Variants in TANK observed in about 807,000 individuals in gnomAD.
TANK encodes TRAF family member associated NFKB activator, also known as TRAF family member-associated NF-kappa-B activator.
TANK carries 15 observed loss-of-function variants against 43.6 expected under a neutral mutation model. The observed-to-expected ratio is 0.34, with a 90% CI of 0.23 to 0.53. The LOEUF is 0.53. Ranked by LOEUF, TANK falls within the 20% of genes least tolerant of loss-of-function variation. TANK has a pLI of 0.94. For synonymous variants in TANK, 162 were observed against 178.2 expected, an observed-to-expected ratio of 0.91 and a Z score of 0.73; for missense variants, 417 against 498.6, an observed-to-expected ratio of 0.84 and a Z score of 1.56.
At chr2:161,170,576 G>A (rs890677684) in intron 1 of TANK, among the ~76,000 whole-genome samples, 1 of 152,066 alleles carries the variant, frequency 6.6e-6, no homozygotes, top group Non-Finnish European at 1.5e-5. Context: ...GCTATGACTC[G>A]ACCCCCTATG....
intron 2 of TANK, among the ~76,000 whole-genome samples, chr2:161,189,040 G>T (rs903445491): frequency 1.3e-5 from 2 of 152,162 alleles, no homozygotes; most frequent in African/African-American, 4.8e-5. Context: ...GAACTGTGAA[G>T]AAATAAATTT....
Position 161,235,752 on chromosome 2 carries a change from CTG to C in TANK, c.*236_*237del, listed in dbSNP as rs977543304. On this transcript the variant is annotated 3_prime_UTR_variant, in exon 8 of 8. Coordinates refer to ENST00000392749, the MANE Select transcript of TANK (RefSeq NM_001199135.3). ...AAAACAAAAAAAATTCTGTATAAAACTGTAATCCTTTGTATTCATGTTTACAG... is the reference window on the plus strand; with the variant it reads ...AAAACAAAAAAAATTCTGTATAAAACTAATCCTTTGTATTCATGTTTACAG... 10 of 335,668 alleles carry C rather than the reference CTG, an allele frequency of 3.0e-5. No individual in the cohort carries two copies. Among genetic ancestry groups the C allele is most frequent in the Admixed American group, 2.2e-4 (5 of 22,236 alleles). 20.8% of individuals were successfully genotyped at this position (335,668 alleles called of 1,614,324 possible). A position where few individuals can be genotyped will look rare whatever the true frequency, so the allele number is the denominator to read the frequency against.
rs1425621751 is a variant in TANK at position 161,235,925 on chromosome 2, T to TAAAA, written c.*408_*409insAAAA. 1 of 152,804 alleles carries TAAAA rather than the reference T, an allele frequency of 6.5e-6. No homozygotes were observed. Among genetic ancestry groups the TAAAA allele is most frequent in the African/African-American group, 2.4e-5 (1 of 41,472 alleles). The allele number at this position is 152,804 out of a possible 1,614,324, so 9.5% of individuals were successfully genotyped here. ...ATGTCAAATGTTTCTAGGGTTTTTT[T>TAAAA]AGTTTGTTTTTATTGAAAAATTTAA... On this transcript the variant is annotated 3_prime_UTR_variant, in exon 8 of 8. Coordinates refer to ENST00000392749, the MANE Select transcript of TANK (RefSeq NM_001199135.3).
intron 7 of TANK, chr2:161,232,630 T>C: frequency 7.6e-7 from 1 of 1,322,524 alleles, no homozygotes; most frequent in Non-Finnish European, 1.0e-6. Flanking sequence ...AATTAAACAA[T>C]TTCATTTATT....
intron 1 of TANK, among the ~76,000 whole-genome samples, chr2:161,147,196 G>A (rs959605577): frequency 3.9e-4 from 60 of 152,286 alleles, no homozygotes; most frequent in African/African-American, 1.3e-3. Flanking sequence ...GGGAAAAAGC[G>A]CAGCCTGGAG....
In TANK at chr2:161,149,744, GTT is replaced by G. The variant is rs60129646; in HGVS notation, c.-50+12693_-50+12694del. On this transcript the variant is annotated intron_variant, in intron 1 of 7. Coordinates refer to the TANK transcript ENST00000259075. ...TGCGTCAGTGGAGATAATCATGTGG[GTT>G]TTTTTTTTTTTCCATTTTTCTATGA... Among the ~76,000 whole-genome samples, 261 of 143,796 alleles carry G rather than the reference GTT, an allele frequency of 1.8e-3. 5 individuals carry two copies. In the East Asian group the frequency reaches 0.03, roughly 16 times the overall value. The allele number at this position is 143,796 out of a possible 152,430, so 94.3% of individuals were successfully genotyped here. A position where few individuals can be genotyped will look rare whatever the true frequency, so the allele number is the denominator to read the frequency against.
intron 1 of TANK, among the ~76,000 whole-genome samples, chr2:161,176,356 T>G (rs1457175676): frequency 6.6e-6 from 1 of 152,180 alleles, no homozygotes; most frequent in Non-Finnish European, 1.5e-5. Context: ...TCTTCTTGGT[T>G]GTGAAATAGG....
chr2:161,196,425 G>T (rs1392012638), intron 2 of TANK, among the ~76,000 whole-genome samples: 1 of 152,148 alleles, frequency 6.6e-6, no homozygotes, highest in African/African-American at 2.4e-5. Context: ...GCAAGAGAGG[G>T]CCTCAGGTGA....
chr2:161,138,475 G>A (rs1485458048), intron 1 of TANK, among the ~76,000 whole-genome samples: 1 of 152,118 alleles, frequency 6.6e-6, no homozygotes, highest in African/African-American at 2.4e-5. Flanking sequence ...AGATGACTTG[G>A]CCATGTTCAC....
At chr2:161,161,296 G>A in intron 1 of TANK, 1 of 1,550,572 alleles carries the variant, frequency 6.4e-7, no homozygotes, top group Non-Finnish European at 8.7e-7. Flanking sequence ...AGATGCTTTT[G>A]ACAAGTTATA....
chr2:161,169,753 A>G (rs1684860462), intron 1 of TANK, among the ~76,000 whole-genome samples: 1 of 151,990 alleles, frequency 6.6e-6, no homozygotes, highest in South Asian at 2.1e-4. Context: ...AGAGCTAGAG[A>G]TTGTGCTTTA....
chr2:161,204,472 G>A (rs1686557874), intron 3 of TANK, among the ~76,000 whole-genome samples: 1 of 152,104 alleles, frequency 6.6e-6, no homozygotes, highest in African/African-American at 2.4e-5. Context: ...TGGAGAGCAG[G>A]GGTTTTGTGT....
chr2:161,152,652 A>G (rs1013916908), intron 1 of TANK, among the ~76,000 whole-genome samples: 1 of 152,300 alleles, frequency 6.6e-6, no homozygotes, highest in East Asian at 1.9e-4. Context: ...CCTGGCCTAC[A>G]GAAGGAACTC....
At position 161,160,446 on chromosome 2, in the gene TANK, G is replaced by A. The variant is rs1684362140; in HGVS notation, c.-90G>A. The A allele has an allele frequency of 5.7e-6, 7 of 1,238,470 alleles. No individual in the cohort carries two copies. The highest frequency in any genetic ancestry group is 7.1e-6 in the Non-Finnish European group (7 of 990,994). The allele number at this position is 1,238,470 out of a possible 1,614,324, so 76.7% of individuals were successfully genotyped here. A position where few individuals can be genotyped will look rare whatever the true frequency, so the allele number is the denominator to read the frequency against. ...TGGAGTCACTCGGCCAGGCGCCGGCGACCTGAGGGGAGAGGGAACGCAGCT... is the reference window on the plus strand; with the variant it reads ...TGGAGTCACTCGGCCAGGCGCCGGCAACCTGAGGGGAGAGGGAACGCAGCT... On this transcript the variant is annotated 5_prime_UTR_variant, in exon 1 of 8. Coordinates refer to ENST00000392749, the MANE Select transcript of TANK (RefSeq NM_001199135.3).
intron 1 of TANK, among the ~76,000 whole-genome samples, chr2:161,175,468 G>A (rs993885470): frequency 1.3e-5 from 2 of 152,112 alleles, no homozygotes; most frequent in African/African-American, 4.8e-5. Flanking sequence ...CTTTAAGATA[G>A]TACTATATCT....
At chr2:161,200,649 C>A (rs997128640) in intron 2 of TANK, 1 of 662,540 alleles carries the variant, frequency 1.5e-6, no homozygotes, top group Non-Finnish European at 1.9e-6. Flanking sequence ...CTTTTGCATC[C>A]GTTTTCTCAA....
intron 2 of TANK, among the ~76,000 whole-genome samples, chr2:161,189,225 G>T: frequency 6.6e-6 from 1 of 152,110 alleles, no homozygotes; most frequent in East Asian, 1.9e-4. Flanking sequence ...TGCAGTAATG[G>T]TTCAGCATAC....
intron 1 of TANK, among the ~76,000 whole-genome samples, chr2:161,168,430 C>A (rs1921306): frequency 0.038 from 5,715 of 152,046 alleles, 223 homozygotes; most frequent in East Asian, 0.18. Flanking sequence ...TTGAAAGGGC[C>A]CACCAAACAC....
At chr2:161,146,886 T>A (rs1683925380) in intron 1 of TANK, among the ~76,000 whole-genome samples, 1 of 152,106 alleles carries the variant, frequency 6.6e-6, no homozygotes, top group African/African-American at 2.4e-5. Flanking sequence ...GGGAACCCAC[T>A]CATCTGGGCT....
Sources: gnomAD v4.1 joint callset for allele counts (sites outside exome capture counted in the v4.1 genomes callset) on GRCh38, gnomAD v4.1.1 for gene constraint, MANE v1.5 for transcripts, NCBI Gene and HGNC (gene_info 2026-07-23, HGNC 2026-07-21) for gene names.